The following AJM1 variants were observed in gnomAD, a reference collection of about 807,000 sequenced individuals.
AJM1 encodes the protein uncharacterized protein C9orf172.
In AJM1, 22 loss-of-function variants were observed where a neutral mutation model predicts 43.0. That is an observed-to-expected ratio of 0.51 (90% confidence interval 0.37 to 0.73). The LOEUF is 0.73. Ranked by LOEUF, AJM1 falls within the 30% of genes least tolerant of loss-of-function variation. The pLI is 0.00. For missense variants in AJM1, 1,305 were observed against 1,343.3 expected (o/e 0.97, Z 0.45); for synonymous variants, 719 against 638.3 (o/e 1.13, Z -1.91).
Position 136,845,274 on chromosome 9 carries a change from C to G in AJM1, c.860C>G (p.Pro287Arg), listed in dbSNP as rs1208117902. Reference sequence around the variant, plus strand: ...ACCCAGTTCTTCTATACAGAGGAGCCCCAAGGCTTCCGGGGCAGCTTTGCA... The same window carrying G: ...ACCCAGTTCTTCTATACAGAGGAGCGCCAAGGCTTCCGGGGCAGCTTTGCA... Reference protein sequence around the residue: ...GPTQFFYTEEPQGFRGSFAAS... With the variant: ...GPTQFFYTEERQGFRGSFAAS... Residue 287 changes from proline (P) to arginine (R), a missense_variant, in exon 3 of 3, where the codon CCC (proline) becomes CGC (arginine). Physicochemically the swap from Pro to Arg is moderately radical, Grantham distance 103. This residue lies in a region of AJM1 where 653 missense variants were observed against 549.1 expected (regional missense o/e 1.19). Coordinates refer to ENST00000436881, the MANE Select transcript of AJM1 (RefSeq NM_001080482.5). 4.4e-6 allele frequency: 7 copies of G among 1,608,622 alleles called. No homozygotes were observed. Among genetic ancestry groups the G allele is most frequent in the Non-Finnish European group, 5.9e-6 (7 of 1,179,556 alleles).
chr9:136,847,394 C>A lies in AJM1; in HGVS notation c.*49C>A. On this transcript the variant is annotated 3_prime_UTR_variant, in exon 3 of 3. Coordinates refer to ENST00000436881, the MANE Select transcript of AJM1 (RefSeq NM_001080482.5). ...CCCAGGCGCTGGCCCGAACCCTGCC[C>A]TGCCCACTCAGGCCCCGCCCGGCCC... 1 of 1,382,484 alleles carries A rather than the reference C, an allele frequency of 7.2e-7. No individual in the cohort carries two copies. The highest frequency in any genetic ancestry group is 9.4e-7 in the Non-Finnish European group (1 of 1,061,802). The allele number at this position is 1,382,484 out of a possible 1,614,324, so 85.6% of individuals were successfully genotyped here.
Position 136,847,459 on chromosome 9 carries a change from G to T in AJM1, c.*114G>T, listed in dbSNP as rs1251475884. On this transcript the variant is annotated 3_prime_UTR_variant, in exon 3 of 3. Transcript: ENST00000436881. ...CCGAGCCCCGCCAGGGCCCCACCCC[G>T]ACTTCTTCTAGGCCCCGCCTCTAAT... 9.1e-6 allele frequency: 7 copies of T among 771,220 alleles called. No homozygotes were observed. Among genetic ancestry groups the T allele is most frequent in the Non-Finnish European group, 1.3e-5 (7 of 552,334 alleles). The allele number at this position is 771,220 out of a possible 1,614,324, so 47.8% of individuals were successfully genotyped here. A position where few individuals can be genotyped will look rare whatever the true frequency, so the allele number is the denominator to read the frequency against.
Position 136,846,241 on chromosome 9 carries a change from A to G in AJM1, c.1827A>G (p.Gln609=). 2.1e-6 allele frequency: 3 copies of G among 1,427,394 alleles called. No homozygotes were observed. The highest frequency in any genetic ancestry group is 1.5e-5 in the African/African-American group (1 of 66,488). The allele number at this position is 1,427,394 out of a possible 1,614,324, so 88.4% of individuals were successfully genotyped here. The change falls in exon 3 of 3, where the codon CAA becomes CAG. Residue 609 remains glutamine (Q), a synonymous_variant. Transcript: ENST00000436881. ...SEPAADCLGP[Q]LRRLLDSRPA... is the part of the protein sequence containing the mutation. ...CCGCGGCCGACTGCCTGGGCCCCCA[A>G]CTGCGCCGACTGCTGGACTCGCGGC...
rs1388442301 is a variant in AJM1, at chr9:136,844,341, C to T, written c.-59-15C>T. ...GGCTGCGGAGGGGGCCGCCCTGACC[C>T]GCGTCTCCCCCCAGGGCAAAAGCCC... On this transcript the variant is annotated splice_polypyrimidine_tract_variant and intron_variant, in intron 2 of 2. Coordinates refer to ENST00000436881, the MANE Select transcript of AJM1 (RefSeq NM_001080482.5). 5 of 1,295,962 alleles carry T rather than the reference C, an allele frequency of 3.9e-6. No homozygotes were observed. In the East Asian group the frequency reaches 7.4e-5, roughly 19 times the overall value. The allele number at this position is 1,295,962 out of a possible 1,614,324, so 80.3% of individuals were successfully genotyped here.
In AJM1 at chr9:136,847,087, C is replaced by G. The variant is rs1848787663; in HGVS notation, c.2673C>G (p.Gly891=). The change falls in exon 3 of 3, where the codon GGC becomes GGG. Residue 891 remains glycine (G), a synonymous_variant. Transcript: ENST00000436881. ...TAGLDQDGEA[G]RRAREVAFIH... ...GCCTGGATCAGGACGGCGAGGCGGG[C>G]CGGCGCGCGCGCGAGGTGGCCTTCA... 6.7e-7 allele frequency: 1 copy of G among 1,489,722 alleles called. No homozygotes were observed. Among genetic ancestry groups the G allele is most frequent in the Non-Finnish European group, 9.0e-7 (1 of 1,114,466 alleles). The allele number at this position is 1,489,722 out of a possible 1,614,324, so 92.3% of individuals were successfully genotyped here.
chr9:136,846,384 C>T lies in AJM1; in HGVS notation c.1970C>T (p.Ala657Val). 6.6e-7 allele frequency: 1 copy of T among 1,522,642 alleles called. No homozygotes were observed. The highest frequency in any genetic ancestry group is 2.6e-5 in the East Asian group (1 of 38,992). The allele number at this position is 1,522,642 out of a possible 1,614,324, so 94.3% of individuals were successfully genotyped here. A position where few individuals can be genotyped will look rare whatever the true frequency, so the allele number is the denominator to read the frequency against. Residue 657 changes from alanine to valine, a missense_variant, in exon 3 of 3, where the codon GCC becomes GTC. Coordinates refer to ENST00000436881, the MANE Select transcript of AJM1 (RefSeq NM_001080482.5). ...EAADASPEPS[A>V]DEDDLMTCSN... is the part of the protein sequence containing the mutation. Reference sequence around the variant, plus strand: ...GCCGACGCGTCCCCCGAACCCAGCGCCGACGAGGACGACCTGATGACCTGC... The same window carrying T: ...GCCGACGCGTCCCCCGAACCCAGCGTCGACGAGGACGACCTGATGACCTGC...
Position 136,845,506 on chromosome 9 carries a change from GC to G in AJM1, c.1096del (p.Arg366GlyfsTer129). On this transcript the variant is annotated frameshift_variant, in exon 3 of 3. Transcript: ENST00000436881. LOFTEE classifies it high-confidence loss of function. Reference protein sequence around the residue: ...PYGPRYVPEEPRAHSTARPFY... With the variant: ...PYGPRYVPEEXRAHSTARPFY... Reference sequence around the variant, plus strand: ...ACGGGCCCCGCTATGTCCCCGAGGAGCCCCGGGCCCACTCCACCGCCCGCCC... The same window carrying G: ...ACGGGCCCCGCTATGTCCCCGAGGAGCCCGGGCCCACTCCACCGCCCGCCC... The G allele has an allele frequency of 6.2e-7, 1 of 1,600,872 alleles. No individual in the cohort carries two copies. The highest frequency in any genetic ancestry group is 8.5e-7 in the Non-Finnish European group (1 of 1,174,748).
Position 136,847,089 on chromosome 9 carries a change from G to A in AJM1, c.2675G>A (p.Arg892Gln), listed in dbSNP as rs1217858246. The A allele has an allele frequency of 6.7e-7, 1 of 1,495,286 alleles. No individual in the cohort carries two copies. The highest frequency in any genetic ancestry group is 1.2e-5 in the South Asian group (1 of 81,506). The allele number at this position is 1,495,286 out of a possible 1,614,324, so 92.6% of individuals were successfully genotyped here. The change falls in exon 3 of 3, where the codon CGG (arginine) becomes CAG (glutamine). Residue 892 changes from arginine (R) to glutamine (Q), a missense_variant. This residue lies in a region of AJM1 where 391 missense variants were observed against 507.5 expected (regional missense o/e 0.77). Transcript: ENST00000436881. ...CTGGATCAGGACGGCGAGGCGGGCC[G>A]GCGCGCGCGCGAGGTGGCCTTCATC... ...AGLDQDGEAGRRAREVAFIHI... is the reference protein window; with the variant it reads ...AGLDQDGEAGQRAREVAFIHI...
chr9:136,845,592 C>A lies in AJM1; in HGVS notation c.1178C>A (p.Pro393Gln), dbSNP rs1426333223. 6.3e-7 allele frequency: 1 copy of A among 1,585,460 alleles called. No individual in the cohort carries two copies. Among genetic ancestry groups the A allele is most frequent in the East Asian group, 2.3e-5 (1 of 43,612 alleles). The change falls in exon 3 of 3, where the codon CCG becomes CAG. Residue 393 changes from proline to glutamine, a missense_variant. By Grantham distance (76) the Pro-to-Gln change is moderately conservative. Coordinates refer to ENST00000436881, the MANE Select transcript of AJM1 (RefSeq NM_001080482.5). ...CGTGACGTCCTGGCTCGGACGTACCCGCACCCGCGCAGCAGCCCGGCCTGG... is the reference window on the plus strand; with the variant it reads ...CGTGACGTCCTGGCTCGGACGTACCAGCACCCGCGCAGCAGCCCGGCCTGG... ...RERDVLARTYPHPRSSPAWAD... is the reference protein window; with the variant it reads ...RERDVLARTYQHPRSSPAWAD...
rs768103235 is a variant in AJM1, at chr9:136,845,220, G to A, written c.806G>A (p.Ser269Asn). ...PGPRDYAERRSLPFTTPPGPT... is the reference protein window; with the variant it reads ...PGPRDYAERRNLPFTTPPGPT... ...CCCCGGGACTACGCCGAGCGCCGCAGTCTGCCCTTCACCACCCCGCCGGGC... is the reference window on the plus strand; with the variant it reads ...CCCCGGGACTACGCCGAGCGCCGCAATCTGCCCTTCACCACCCCGCCGGGC... The change falls in exon 3 of 3, where the codon AGT becomes AAT. Residue 269 changes from serine to asparagine, a missense_variant. By Grantham distance (46) the Ser-to-Asn change is conservative. Around this residue, in one of 6 missense-constraint regions of AJM1, gnomAD observed 653 missense variants for 549.1 expected, o/e 1.19. Coordinates refer to ENST00000436881, the MANE Select transcript of AJM1 (RefSeq NM_001080482.5). 1.3e-5 allele frequency: 21 copies of A among 1,594,000 alleles called. No homozygotes were observed. Among genetic ancestry groups the A allele is most frequent in the Non-Finnish European group, 1.7e-5 (20 of 1,176,812 alleles).
In AJM1 at chr9:136,845,776, C is replaced by A; in HGVS notation, c.1362C>A (p.Ala454=). The change falls in exon 3 of 3, where the codon GCC becomes GCA. Residue 454 remains alanine, a synonymous_variant. Transcript: ENST00000436881. Reference sequence around the variant, plus strand: ...CGCGCTCCTGGGACAACATTCTGGCCCCGGGGCCGCGCCGAGAAGACCCGT... The same window carrying A: ...CGCGCTCCTGGGACAACATTCTGGCACCGGGGCCGCGCCGAGAAGACCCGT... ...HYSRSWDNIL[A]PGPRREDPLG... 1 of 1,574,648 alleles carries A rather than the reference C, an allele frequency of 6.4e-7. No homozygotes were observed. Among genetic ancestry groups the A allele is most frequent in the Non-Finnish European group, 8.6e-7 (1 of 1,167,780 alleles).
chr9:136,845,963 G>A lies in AJM1; in HGVS notation c.1549G>A (p.Gly517Ser). The stretch of plus-strand genomic sequence containing the variant: ...GTCCGAGACGTCGCTGACGGAGAAG[G>A]GCCGCGCGGGCGAGGGCCTGGGCCG... Reference protein sequence around the residue: ...SLSETSLTEKGRAGEGLGRNW... With the variant: ...SLSETSLTEKSRAGEGLGRNW... The change falls in exon 3 of 3, where the codon GGC (glycine) becomes AGC (serine). Residue 517 changes from glycine (G) to serine (S), a missense_variant. By Grantham distance (56) the Gly-to-Ser change is moderately conservative. Coordinates refer to ENST00000436881, the MANE Select transcript of AJM1 (RefSeq NM_001080482.5). 6.4e-7 allele frequency: 1 copy of A among 1,553,622 alleles called. No individual in the cohort carries two copies. Among genetic ancestry groups the A allele is most frequent in the Non-Finnish European group, 8.7e-7 (1 of 1,149,970 alleles).
In AJM1 at chr9:136,846,997, C is replaced by A; in HGVS notation, c.2583C>A (p.Pro861=). 1 of 1,231,814 alleles carries A rather than the reference C, an allele frequency of 8.1e-7. No individual in the cohort carries two copies. Among genetic ancestry groups the A allele is most frequent in the South Asian group, 1.7e-5 (1 of 59,308 alleles). The allele number at this position is 1,231,814 out of a possible 1,614,324, so 76.3% of individuals were successfully genotyped here. A position where few individuals can be genotyped will look rare whatever the true frequency, so the allele number is the denominator to read the frequency against. Residue 861 remains proline, a synonymous_variant, in exon 3 of 3, where the codon CCC becomes CCA. Transcript: ENST00000436881. ...CGGCCGGCAGCCCCGCGCGGCCGCC[C>A]CCGGCGCGGAGCCGCGAGCCCGACA... ...ALAAGSPARP[P]PARSREPDME...
rs1379283452 is a variant in AJM1 at position 136,845,404 on chromosome 9, G to A, written c.990G>A (p.Glu330=). 2 of 1,612,356 alleles carry A rather than the reference G, an allele frequency of 1.2e-6. No individual in the cohort carries two copies. Among genetic ancestry groups the A allele is most frequent in the African/African-American group, 2.7e-5 (2 of 74,920 alleles). ...PRRMGGYYAG[E]VRTFPIQEPP... is the part of the protein sequence containing the mutation. ...GCATGGGCGGCTACTACGCAGGAGA[G>A]GTGCGCACCTTCCCAATCCAGGAAC... Residue 330 remains glutamate, a synonymous_variant, in exon 3 of 3, where the codon GAG becomes GAA. Transcript: ENST00000436881.
chr9:136,843,468 G>A (rs1848729675), intron 1 of AJM1, among the ~76,000 whole-genome samples: 1 of 152,256 alleles, frequency 6.6e-6, no homozygotes, highest in Non-Finnish European at 1.5e-5. Flanking sequence ...GCAGCTTCCA[G>A]GCCTGGTGCG....
In AJM1 at chr9:136,844,542, C is replaced by T. The variant is rs747671243; in HGVS notation, c.128C>T (p.Ala43Val). 1.2e-6 allele frequency: 2 copies of T among 1,606,232 alleles called. No individual in the cohort carries two copies. Among genetic ancestry groups the T allele is most frequent in the African/African-American group, 1.3e-5 (1 of 74,714 alleles). ...ERSVARPAEP[A>V]PFNKRHCRSF... ...TCCGTGGCCCGGCCTGCTGAGCCCG[C>T]GCCTTTCAACAAGCGCCACTGCCGC... is the stretch of plus-strand genomic sequence containing the variant. Residue 43 changes from alanine to valine, a missense_variant, in exon 3 of 3, where the codon GCG (alanine) becomes GTG (valine). By Grantham distance (64) the Ala-to-Val change is moderately conservative. Around this residue, in one of 6 missense-constraint regions of AJM1, gnomAD observed 128 missense variants for 120.6 expected, o/e 1.06. Transcript: ENST00000436881.
Position 136,845,634 on chromosome 9 carries a change from G to C in AJM1, c.1220G>C (p.Arg407Pro). ...SSPAWADWGP[R>P]PYRTLQVVPP... The stretch of plus-strand genomic sequence containing the variant: ...CCGGCCTGGGCGGACTGGGGCCCGC[G>C]ACCGTACCGCACCCTGCAAGTGGTG... The change falls in exon 3 of 3, where the codon CGA becomes CCA. Residue 407 changes from arginine to proline, a missense_variant. Physicochemically the swap from Arg to Pro is moderately radical, Grantham distance 103 (BLOSUM62 -2). Around this residue, in one of 6 missense-constraint regions of AJM1, gnomAD observed 653 missense variants for 549.1 expected, o/e 1.19. Coordinates refer to ENST00000436881, the MANE Select transcript of AJM1 (RefSeq NM_001080482.5). 6.3e-7 allele frequency: 1 copy of C among 1,578,130 alleles called. No homozygotes were observed. Among genetic ancestry groups the C allele is most frequent in the Non-Finnish European group, 8.6e-7 (1 of 1,168,986 alleles).
chr9:136,846,827 C>T lies in AJM1; in HGVS notation c.2413C>T (p.Leu805Phe), dbSNP rs1205997362. 1.6e-5 allele frequency: 25 copies of T among 1,589,874 alleles called. 1 individual carries two copies. Among genetic ancestry groups the T allele is most frequent in the South Asian group, 1.6e-4 (14 of 89,530 alleles). Residue 805 changes from leucine to phenylalanine, a missense_variant, in exon 3 of 3, where the codon CTC becomes TTC. By Grantham distance (22) the Leu-to-Phe change is conservative. Around this residue, in one of 6 missense-constraint regions of AJM1, gnomAD observed 391 missense variants for 507.5 expected, o/e 0.77. Coordinates refer to ENST00000436881, the MANE Select transcript of AJM1 (RefSeq NM_001080482.5). ...YARELAAAGR[L>F]YEPAECFLLS... Reference sequence around the variant, plus strand: ...GCGCGAGCTGGCGGCCGCTGGGCGCCTCTACGAACCGGCAGAGTGCTTCCT... The same window carrying T: ...GCGCGAGCTGGCGGCCGCTGGGCGCTTCTACGAACCGGCAGAGTGCTTCCT...
At position 136,845,688 on chromosome 9, in the gene AJM1, C is replaced by T; in HGVS notation, c.1274C>T (p.Ala425Val). Residue 425 changes from alanine to valine, a missense_variant, in exon 3 of 3, where the codon GCC becomes GTC. This residue lies in a region of AJM1 where 653 missense variants were observed against 549.1 expected (regional missense o/e 1.19). Transcript: ENST00000436881. ...CCCTCTGACCCCGACCCGTTGCTCGCCTCCTGGCACGGCGGCACCGGCACC... is the reference window on the plus strand; with the variant it reads ...CCCTCTGACCCCGACCCGTTGCTCGTCTCCTGGCACGGCGGCACCGGCACC... ...VPPSDPDPLL[A>V]SWHGGTGTSP... The T allele has an allele frequency of 2.5e-6, 4 of 1,574,678 alleles. No homozygotes were observed. The highest frequency in any genetic ancestry group is 3.4e-6 in the Non-Finnish European group (4 of 1,168,738).
Sources: allele counts gnomAD v4.1 joint callset (sites outside exome capture counted in the v4.1 genomes callset), GRCh38; gene constraint gnomAD v4.1.1; regional missense constraint gnomAD v4.1.1; transcripts MANE v1.5; gene names NCBI Gene and HGNC (gene_info 2026-07-23, HGNC 2026-07-21).